KAT6A: variants seen among roughly 807,000 people sequenced by gnomAD.
The protein encoded by KAT6A is histone acetyltransferase KAT6A.
In KAT6A, 9 loss-of-function variants were observed where a neutral mutation model predicts 198.4. That is an observed-to-expected ratio of 0.05 (90% CI 0.03 to 0.08). KAT6A has a LOEUF of 0.08. Among genes scored for constraint, KAT6A ranks in the 10% least tolerant of loss-of-function variants. The pLI is 1.00. For missense variants in KAT6A, 2,077 were observed against 2,509.9 expected (o/e 0.83, Z 3.69); for synonymous variants, 890 against 883.0 (o/e 1.01, Z -0.14).
Position 41,932,005 on chromosome 8 carries a change from G to A in KAT6A, c.*200C>T. 1 of 471,768 alleles carries A rather than the reference G, an allele frequency of 2.1e-6. No individual in the cohort carries two copies. Among genetic ancestry groups the A allele is most frequent in the Non-Finnish European group, 3.4e-6 (1 of 295,266 alleles). The allele number at this position is 471,768 out of a possible 1,614,324, so 29.2% of individuals were successfully genotyped here. On this transcript the variant is annotated 3_prime_UTR_variant, in exon 17 of 17. Coordinates refer to ENST00000265713, the MANE Select transcript of KAT6A (RefSeq NM_006766.5). ...ACTGTAAAATGTTCAAGATTGTGAA[G>A]AAAACCAAAACCCAGAACAAAATGA...
chr8:41,980,736 C>A (rs577639529), intron 5 of KAT6A, 110 bp downstream of exon 5: 2 of 825,582 alleles, frequency 2.4e-6, no homozygotes, highest in Non-Finnish European at 2.1e-6. Context: ...ACTTATACAA[C>A]CTCAAAAAGA....
At position 41,991,067 on chromosome 8, in the gene KAT6A, C is replaced by T. The variant is rs564857743; in HGVS notation, c.601-3504G>A. Among the ~76,000 whole-genome samples the T allele has an allele frequency of 8.2e-5, 12 of 145,664 alleles. No homozygotes were observed. In the East Asian group the frequency reaches 2.5e-3, roughly 30 times the overall value. Reference sequence around the variant, plus strand: ...TGACAGGAATATAAATATAAATTGACAAGACCAATTTGAAAATGTTGACGT... The same window carrying T: ...TGACAGGAATATAAATATAAATTGATAAGACCAATTTGAAAATGTTGACGT... On this transcript the variant is annotated intron_variant, in intron 2 of 16. Transcript: ENST00000265713.
At chr8:42,034,325 A>AT (rs962836846) in intron 2 of KAT6A, among the ~76,000 whole-genome samples, 35 of 152,148 alleles carry the variant, frequency 2.3e-4, no homozygotes, top group African/African-American at 8.0e-4. Context: ...AAGAATCTGC[A>AT]TTTTAAACAA....
At chr8:41,942,684 T>C (rs1404749731) in intron 14 of KAT6A, 109 bp downstream of exon 14, 1 of 1,208,928 alleles carries the variant, frequency 8.3e-7, no homozygotes, top group Non-Finnish European at 1.1e-6. Flanking sequence ...GACATTCTAA[T>C]GTGAATTTAC....
chr8:42,027,970 ATTTTT>A (rs764223833), intron 2 of KAT6A, among the ~76,000 whole-genome samples: 1 of 151,922 alleles, frequency 6.6e-6, no homozygotes, highest in Non-Finnish European at 1.5e-5. Context: ...GTTGTAAGAA[ATTTTT>A]TTTATTTCAT....
intron 1 of KAT6A, 153 bp from the exon 2 acceptor site, chr8:42,049,455 TATGTAAACC>T (rs1358248003): frequency 4.5e-5 from 8 of 176,968 alleles, no homozygotes; most frequent in African/African-American, 1.9e-4. Context: ...AACAATCATG[TATGTAAACC>T]ATTGGGATAA....
chr8:41,948,717 A>G (rs1822516491), intron 10 of KAT6A, among the ~76,000 whole-genome samples: 1 of 152,226 alleles, frequency 6.6e-6, no homozygotes, highest in Admixed American at 6.5e-5. Flanking sequence ...GATCACTTAA[A>G]AGAGTCTTAG....
chr8:41,995,899 C>T (rs1163933433), intron 2 of KAT6A, among the ~76,000 whole-genome samples: 1 of 152,078 alleles, frequency 6.6e-6, no homozygotes, highest in African/African-American at 2.4e-5. Flanking sequence ...TGGTCTCGAA[C>T]TCTTAACCAC....
chr8:41,989,683 A>T (rs754464158), intron 2 of KAT6A, among the ~76,000 whole-genome samples: 1 of 152,242 alleles, frequency 6.6e-6, no homozygotes, highest in Non-Finnish European at 1.5e-5. Context: ...CTGGATTTAA[A>T]AATCTAGAAG....
intron 8 of KAT6A, 126 bp downstream of exon 8, chr8:41,974,578 C>T (rs886601776): frequency 4.8e-6 from 3 of 627,388 alleles, no homozygotes; most frequent in African/African-American, 1.8e-5. Context: ...TACATATACA[C>T]ACAAACCACA....
At chr8:41,976,808 T>C (rs1162693079) in intron 7 of KAT6A, among the ~76,000 whole-genome samples, 200 bp downstream of exon 7, 2 of 152,212 alleles carry the variant, frequency 1.3e-5, no homozygotes, top group African/African-American at 4.8e-5. Flanking sequence ...TACTGTCCCA[T>C]TCTGCAACTT....
At chr8:41,939,801 A>AAT (rs1196217890) in intron 15 of KAT6A, among the ~76,000 whole-genome samples, 1 of 152,194 alleles carries the variant, frequency 6.6e-6, no homozygotes, top group Non-Finnish European at 1.5e-5. Context: ...GGGATCCTGG[A>AAT]ACAGAAAAAG....
chr8:42,002,176 A>G (rs933862684), intron 2 of KAT6A, among the ~76,000 whole-genome samples: 1 of 152,320 alleles, frequency 6.6e-6, no homozygotes, highest in Non-Finnish European at 1.5e-5. Flanking sequence ...TCCAGATAGG[A>G]AACATCCCCA....
At chr8:41,986,069 T>C (rs1399710854) in intron 3 of KAT6A, among the ~76,000 whole-genome samples, 1 of 152,158 alleles carries the variant, frequency 6.6e-6, no homozygotes, top group African/African-American at 2.4e-5. Flanking sequence ...GTCTCCTGAG[T>C]AGCTGGGACT....
intron 2 of KAT6A, among the ~76,000 whole-genome samples, chr8:42,010,027 AG>A (rs1376463569): frequency 1.3e-5 from 2 of 152,124 alleles, no homozygotes; most frequent in Non-Finnish European, 2.9e-5. Flanking sequence ...GGATAGTCGC[AG>A]TAGCTCACAC....
At chr8:41,983,521 G>T (rs1159959203) in intron 3 of KAT6A, among the ~76,000 whole-genome samples, 2 of 152,120 alleles carry the variant, frequency 1.3e-5, no homozygotes, top group Non-Finnish European at 2.9e-5. Flanking sequence ...ATATTCCACT[G>T]ACTGATATAC....
intron 2 of KAT6A, among the ~76,000 whole-genome samples, chr8:42,017,234 A>T (rs1198684623): frequency 6.6e-6 from 1 of 152,218 alleles, no homozygotes; most frequent in Non-Finnish European, 1.5e-5. Context: ...CAGCATTGAG[A>T]TAGTAGAAGT....
chr8:41,982,625 C>G (rs898689633), intron 3 of KAT6A, among the ~76,000 whole-genome samples: 3 of 152,200 alleles, frequency 2.0e-5, no homozygotes, highest in Non-Finnish European at 4.4e-5. Flanking sequence ...ATCACCCACA[C>G]TGCATACACT....
intron 2 of KAT6A, among the ~76,000 whole-genome samples, chr8:42,001,943 C>A (rs1176302067): frequency 6.6e-6 from 1 of 152,142 alleles, no homozygotes; most frequent in Non-Finnish European, 1.5e-5. Context: ...AATGGAAAAG[C>A]TTCACTATTT....
Sources: allele counts gnomAD v4.1 joint callset (sites outside exome capture counted in the v4.1 genomes callset), GRCh38; gene constraint gnomAD v4.1.1; transcripts MANE v1.5; gene names NCBI Gene and HGNC (gene_info 2026-07-23, HGNC 2026-07-21).